DLG2: variants seen among roughly 807,000 people sequenced by gnomAD.
DLG2 encodes disks large homolog 2.
In DLG2, 45 loss-of-function variants were observed where a neutral mutation model predicts 132.5. The ratio of observed to expected loss-of-function variants is 0.34; its 90% confidence interval spans 0.27 to 0.44. The LOEUF is 0.44. Ranked by LOEUF, DLG2 falls within the 20% of genes least tolerant of loss-of-function variation. The pLI is 1.00. For synonymous variants in DLG2, 424 were observed against 419.6 expected (o/e 1.01, Z -0.13); for missense variants, 1,045 against 1,196.9 (o/e 0.87, Z 1.87).
At chr11:83,613,398 C>T (rs1353173332) in intron 19 of DLG2, among the ~76,000 whole-genome samples, 4 of 152,046 alleles carry the variant, frequency 2.6e-5, no homozygotes, top group African/African-American at 7.3e-5. Context: ...AAAGGGACCT[C>T]ATGAAAATTA....
intron 19 of DLG2, among the ~76,000 whole-genome samples, chr11:83,614,059 T>C (rs1253189877): frequency 2.0e-5 from 3 of 152,268 alleles, no homozygotes; most frequent in Admixed American, 1.3e-4. Context: ...GTGAACTTGA[T>C]GAAGTAGGAA....
intron 6 of DLG2, among the ~76,000 whole-genome samples, chr11:84,685,231 C>G (rs1479864862): frequency 1.3e-5 from 2 of 152,208 alleles, no homozygotes; most frequent in Non-Finnish European, 2.9e-5. Flanking sequence ...CTCCAATATC[C>G]TGTGAGTTCC....
chr11:83,946,734 T>A (rs11233836), intron 14 of DLG2, among the ~76,000 whole-genome samples: 11,637 of 152,254 alleles, frequency 0.076, 609 homozygotes, highest in Non-Finnish European at 0.12. Context: ...CACTGGCGAA[T>A]ACACACACGT....
chr11:85,037,777 G>C (rs2061538120), intron 6 of DLG2, among the ~76,000 whole-genome samples: 1 of 152,110 alleles, frequency 6.6e-6, no homozygotes, highest in South Asian at 2.1e-4. Flanking sequence ...TAACCTAAAT[G>C]TAGGGGTGGG....
At chr11:84,027,056 G>T (rs944388195) in intron 11 of DLG2, among the ~76,000 whole-genome samples, 1 of 151,954 alleles carries the variant, frequency 6.6e-6, no homozygotes, top group Non-Finnish European at 1.5e-5. Context: ...AAACTGGGGT[G>T]CTAGGAGGTT....
chr11:84,790,584 A>G (rs1158174742), intron 6 of DLG2, among the ~76,000 whole-genome samples: 1 of 152,092 alleles, frequency 6.6e-6, no homozygotes, highest in Non-Finnish European at 1.5e-5. Flanking sequence ...AAGCTTTTTA[A>G]CTTGATGTGA....
intron 19 of DLG2, among the ~76,000 whole-genome samples, chr11:83,558,441 A>G (rs1282119255): frequency 6.6e-6 from 1 of 152,128 alleles, no homozygotes; most frequent in Non-Finnish European, 1.5e-5. Flanking sequence ...ATCTGTTAGT[A>G]TGGTGTTCAA....
chr11:83,723,539 C>T (rs1424821134), intron 18 of DLG2, among the ~76,000 whole-genome samples: 1 of 152,056 alleles, frequency 6.6e-6, no homozygotes, highest in East Asian at 1.9e-4. Context: ...GGGTGCAATG[C>T]TGTGGGTTTT....
At chr11:84,485,580 C>T (rs1235791571) in intron 7 of DLG2, among the ~76,000 whole-genome samples, 1 of 152,116 alleles carries the variant, frequency 6.6e-6, no homozygotes, top group Non-Finnish European at 1.5e-5. Context: ...ACAGAAGAGA[C>T]AGGATCAAAG....
At chr11:85,507,953 A>T (rs1383444741) in intron 3 of DLG2, among the ~76,000 whole-genome samples, 2 of 151,982 alleles carry the variant, frequency 1.3e-5, no homozygotes, top group African/African-American at 4.8e-5. Context: ...CATTTGATTC[A>T]TTTGATCTTC....
chr11:84,781,864 T>C (rs1391475430), intron 6 of DLG2, among the ~76,000 whole-genome samples: 1 of 152,062 alleles, frequency 6.6e-6, no homozygotes, highest in Non-Finnish European at 1.5e-5. Flanking sequence ...CCATGCAGCT[T>C]CTATAGTGAT....
In DLG2 at chr11:84,842,827, C is replaced by T. The variant is rs549390723; in HGVS notation, c.357+268834G>A. 6.5e-4 allele frequency among the ~76,000 whole-genome samples: 98 copies of T among 151,806 alleles called. No individual in the cohort carries two copies. In the South Asian group the frequency reaches 0.019, roughly 29 times the overall value. On this transcript the variant is annotated intron_variant, in intron 6 of 27. Transcript: ENST00000376104. ...GTGTGCATGCATGTGTGGATGCACA[C>T]ATATATGTGTGTATACAGACTCTTT...
chr11:83,994,545 T>A (rs1030348582), intron 11 of DLG2, among the ~76,000 whole-genome samples: 1 of 152,110 alleles, frequency 6.6e-6, no homozygotes, highest in African/African-American at 2.4e-5. Context: ...TCAAAACTAG[T>A]TTTTAAAATG....
At chr11:85,104,595 G>C (rs893809342) in intron 6 of DLG2, among the ~76,000 whole-genome samples, 1 of 151,866 alleles carries the variant, frequency 6.6e-6, no homozygotes, top group Middle Eastern at 3.4e-3. Flanking sequence ...GTTTCTTTTA[G>C]GGTCATAAAA....
chr11:84,611,974 CTATT>C (rs1330417815), intron 6 of DLG2, among the ~76,000 whole-genome samples: 1 of 152,080 alleles, frequency 6.6e-6, no homozygotes, highest in Non-Finnish European at 1.5e-5. Context: ...TAACAACAAC[CTATT>C]TAAAGTGTAC....
intron 6 of DLG2, among the ~76,000 whole-genome samples, chr11:84,937,620 G>C (rs2048905747): frequency 1.3e-5 from 2 of 152,102 alleles, no homozygotes; most frequent in Admixed American, 1.3e-4. Flanking sequence ...ATGAGGAAAG[G>C]CATTTCTTAC....
At chr11:84,745,594 T>A (rs937454316) in intron 6 of DLG2, among the ~76,000 whole-genome samples, 17 of 152,162 alleles carry the variant, frequency 1.1e-4, no homozygotes, top group African/African-American at 4.1e-4. Flanking sequence ...TAATAACAGT[T>A]CATATTAGAA....
At chr11:84,397,840 G>T (rs780307182) in intron 7 of DLG2, among the ~76,000 whole-genome samples, 1 of 152,152 alleles carries the variant, frequency 6.6e-6, no homozygotes, top group African/African-American at 2.4e-5. Context: ...AAGGATTCAA[G>T]CTTATTCCTA....
chr11:83,616,925 T>C (rs2060909088), intron 19 of DLG2, among the ~76,000 whole-genome samples: 1 of 152,168 alleles, frequency 6.6e-6, no homozygotes, highest in Non-Finnish European at 1.5e-5. Flanking sequence ...TCAGAGCAAT[T>C]TTACTTTTGT....
Sources: allele counts gnomAD v4.1 joint callset (sites outside exome capture counted in the v4.1 genomes callset), GRCh38; gene constraint gnomAD v4.1.1; transcripts MANE v1.5; gene names NCBI Gene and HGNC (gene_info 2026-07-23, HGNC 2026-07-21).